Variants in EBF4 observed in about 807,000 individuals in gnomAD.
EBF4 encodes EBF transcription factor 4.
In EBF4, 34 loss-of-function variants were observed where a neutral mutation model predicts 67.1. The ratio of observed to expected loss-of-function variants is 0.51; its 90% confidence interval spans 0.39 to 0.67. The LOEUF (loss-of-function observed/expected upper bound fraction) is 0.67. Ranked by LOEUF, EBF4 falls within the 30% of genes least tolerant of loss-of-function variation. EBF4 has a pLI of 0.00. For synonymous variants in EBF4, 387 were observed against 377.7 expected (o/e 1.02, Z -0.29); for missense variants, 837 against 873.3 (o/e 0.96, Z 0.52).
intron 6 of EBF4, among the ~76,000 whole-genome samples, chr20:2,738,740 A>G (rs2087924901): frequency 6.6e-6 from 1 of 152,152 alleles, no homozygotes; most frequent in African/African-American, 2.4e-5. Flanking sequence ...TGGAGAGCCT[A>G]GTAAGTGCCC....
chr20:2,696,689 C>G lies in EBF4; in HGVS notation c.137+2907C>G, dbSNP rs1231967788. Among the ~76,000 whole-genome samples the G allele has an allele frequency of 1.3e-5, 2 of 152,148 alleles. No homozygotes were observed. Among genetic ancestry groups the G allele is most frequent in the Non-Finnish European group, 2.9e-5 (2 of 68,008 alleles). On this transcript the variant is annotated intron_variant, in intron 1 of 16. Coordinates refer to ENST00000609451, the Ensembl canonical transcript of EBF4. The surrounding 1 kb of genome is among the most constrained non-coding windows in gnomAD (Gnocchi z 4.7). ...GCTATGGTCTATTGAAACAATCCCT[C>G]TGCCCTCAGCACCCGCACATCCCCT...
intron 10 of EBF4, among the ~76,000 whole-genome samples, chr20:2,750,688 G>A (rs967737065): frequency 6.6e-6 from 1 of 152,136 alleles, no homozygotes; most frequent in South Asian, 2.1e-4. Context: ...AGCCTCCCCG[G>A]AGCTCCAGTC....
chr20:2,723,942 C>T (rs932757149), intron 6 of EBF4, among the ~76,000 whole-genome samples: 2 of 152,044 alleles, frequency 1.3e-5, no homozygotes, highest in Admixed American at 1.3e-4. Context: ...ATCTCATTTT[C>T]TCTTCTTTAA....
intron 6 of EBF4, among the ~76,000 whole-genome samples, chr20:2,716,871 A>C (rs1199558687): frequency 6.6e-6 from 1 of 152,192 alleles, no homozygotes; most frequent in Non-Finnish European, 1.5e-5. Context: ...TTTTAAAATC[A>C]CTATATCTGT....
rs568856061 is a variant in EBF4, at chr20:2,745,169, A to T, written c.558-3380A>T. ...ATTCTGACTCAGCAGGTCTGAGGGG[A>T]GGCCTGAGATTCTACACTTGTAGCA... On this transcript the variant is annotated intron_variant, in intron 6 of 16. Coordinates refer to ENST00000609451, the Ensembl canonical transcript of EBF4. The surrounding 1 kb of genome is among the most constrained non-coding windows in gnomAD (Gnocchi z 5.2). 1.1e-3 allele frequency among the ~76,000 whole-genome samples: 169 copies of T among 152,196 alleles called. 1 individual carries two copies. Among genetic ancestry groups the T allele is most frequent in the South Asian group, 7.9e-3 (38 of 4,820 alleles).
At chr20:2,725,628 T>G (rs1454311546) in intron 6 of EBF4, among the ~76,000 whole-genome samples, 1 of 152,206 alleles carries the variant, frequency 6.6e-6, no homozygotes, top group Non-Finnish European at 1.5e-5. Flanking sequence ...TGGTGGTGGT[T>G]ATTTTAGTTT....
chr20:2,701,220 G>A (rs538255653), intron 1 of EBF4, among the ~76,000 whole-genome samples: 1 of 152,358 alleles, frequency 6.6e-6, no homozygotes, highest in South Asian at 2.1e-4. Context: ...GGAAGTGCAG[G>A]ATGCCGCTCT....
At position 2,693,955 on chromosome 20, in the gene EBF4, G is replaced by A. The variant is rs2087250080; in HGVS notation, c.137+173G>A. On this transcript the variant is annotated intron_variant, in intron 1 of 16. Coordinates refer to ENST00000609451, the Ensembl canonical transcript of EBF4. This position sits in a 1 kb window ranked among gnomAD's most constrained non-coding sequence, Gnocchi z 4.6. ...TGCCTGTGCTGCCTCCTGAGGCTGT[G>A]GGGCGGGCTGGGGCGGGGCTTCTGC... 6.6e-6 allele frequency among the ~76,000 whole-genome samples: 1 copy of A among 151,910 alleles called. No individual in the cohort carries two copies. Among genetic ancestry groups the A allele is most frequent in the Non-Finnish European group, 1.5e-5 (1 of 68,010 alleles).
At chr20:2,731,133 G>A (rs536596871) in intron 6 of EBF4, among the ~76,000 whole-genome samples, 23 of 152,264 alleles carry the variant, frequency 1.5e-4, no homozygotes, top group Non-Finnish European at 3.1e-4. Context: ...TCGTGACCTC[G>A]TGATCCGCCC....
At chr20:2,705,795 A>ACACG (rs2087447177) in intron 2 of EBF4, 62 bp downstream of exon 2, 1 of 835,118 alleles carries the variant, frequency 1.2e-6, no homozygotes, top group Non-Finnish European at 1.6e-6. Context: ...CCACACACAC[A>ACACG]CACACACACA....
intron 10 of EBF4, among the ~76,000 whole-genome samples, chr20:2,750,210 G>A (rs1043486495): frequency 2.0e-5 from 3 of 151,962 alleles, no homozygotes; most frequent in East Asian, 1.9e-4. Context: ...TCCCTTCCCC[G>A]GGGCAAAGTC....
Position 2,747,983 on chromosome 20 carries a change from G to A in EBF4, c.558-566G>A, listed in dbSNP as rs1364358579. The stretch of plus-strand genomic sequence containing the variant: ...AGTAATAGTATCCAAGGCATAAACA[G>A]TGTCTACAAAGAATGTGCTGTGTCT... On this transcript the variant is annotated intron_variant, in intron 6 of 16. Coordinates refer to ENST00000609451, the Ensembl canonical transcript of EBF4. This position sits in a 1 kb window ranked among gnomAD's most constrained non-coding sequence, Gnocchi z 4.6. Among the ~76,000 whole-genome samples the A allele has an allele frequency of 6.6e-6, 1 of 152,134 alleles. No individual in the cohort carries two copies. Among genetic ancestry groups the A allele is most frequent in the African/African-American group, 2.4e-5 (1 of 41,402 alleles).
intron 6 of EBF4, among the ~76,000 whole-genome samples, chr20:2,722,715 C>T (rs1249976998): frequency 6.6e-6 from 1 of 152,136 alleles, no homozygotes; most frequent in Admixed American, 6.5e-5. Context: ...GGGATCACTG[C>T]CCTTCATTGT....
At chr20:2,722,366 A>T (rs1332453269) in intron 6 of EBF4, among the ~76,000 whole-genome samples, 1 of 151,688 alleles carries the variant, frequency 6.6e-6, no homozygotes, top group East Asian at 1.9e-4. Flanking sequence ...CACTATTTTC[A>T]TCCTTATGTG....
At chr20:2,713,109 A>G (rs1214689331) in intron 6 of EBF4, among the ~76,000 whole-genome samples, 1 of 152,234 alleles carries the variant, frequency 6.6e-6, no homozygotes, top group Admixed American at 6.5e-5. Flanking sequence ...TGTAGTGCCA[A>G]GAAAAAATAC....
At position 2,747,762 on chromosome 20, in the gene EBF4, ATTTG is replaced by A. The variant is rs1328475528; in HGVS notation, c.558-784_558-781del. On this transcript the variant is annotated intron_variant, in intron 6 of 16. Transcript: ENST00000609451. This position sits in a 1 kb window ranked among gnomAD's most constrained non-coding sequence, Gnocchi z 4.6. ...TACAACATAAAATGCGTATTAATGT[ATTTG>A]TTCTGTGTATTTCCTATTTCTCTGT... 4.6e-5 allele frequency among the ~76,000 whole-genome samples: 7 copies of A among 152,206 alleles called. No homozygotes were observed. In the Middle Eastern group the frequency reaches 0.014, roughly 298 times the overall value.
chr20:2,693,327 G>A (rs1381471780), upstream of EBF4, among the ~76,000 whole-genome samples: 3 of 150,306 alleles, frequency 2.0e-5, no homozygotes, highest in Non-Finnish European at 4.5e-5. The surrounding 1 kb of genome is among the most constrained non-coding windows in gnomAD (Gnocchi z 4.6). Flanking sequence ...CCTCTGGGGC[G>A]CCTCCGCGCG....
At chr20:2,708,551 A>G (rs1402635611) in intron 5 of EBF4, among the ~76,000 whole-genome samples, 2 of 152,112 alleles carry the variant, frequency 1.3e-5, no homozygotes, top group Non-Finnish European at 2.9e-5. Context: ...TGATGCATGG[A>G]AAAGAGAACA....
chr20:2,749,887 G>T, exon 10 of EBF4: 1 of 1,551,456 alleles, frequency 6.4e-7, no homozygotes, highest in East Asian at 2.4e-5. Flanking sequence ...ACGCCCCCGC[G>T]GCACATCCCC....
Sources: allele counts gnomAD v4.1 joint callset (sites outside exome capture counted in the v4.1 genomes callset), GRCh38; gene constraint gnomAD v4.1.1; non-coding constraint Gnocchi (gnomAD v3.1); transcripts MANE v1.5; gene names NCBI Gene and HGNC (gene_info 2026-07-23, HGNC 2026-07-21).